Variants in GABRG3 observed in about 807,000 individuals in gnomAD.
GABRG3 encodes gamma-aminobutyric acid receptor subunit gamma-3.
A neutral mutation model predicts 48.8 loss-of-function variants in GABRG3; 25 were observed. That is an observed-to-expected ratio of 0.51 (90% confidence interval 0.37 to 0.72). The LOEUF (loss-of-function observed/expected upper bound fraction) is 0.72, where lower values mean the gene tolerates loss of function less well. GABRG3 is among the 30% of genes least tolerant of loss of function. The pLI, the probability that GABRG3 is intolerant of heterozygous loss-of-function variation, is 0.00. For missense variants in GABRG3, 394 were observed against 577.9 expected (o/e 0.68, Z 3.26); for synonymous variants, 227 against 217.6 (o/e 1.04, Z -0.38).
At chr15:27,182,948 A>G (rs748905240) in intron 3 of GABRG3, among the ~76,000 whole-genome samples, 1 of 152,194 alleles carries the variant, frequency 6.6e-6, no homozygotes, top group Non-Finnish European at 1.5e-5. Context: ...AGATCAAGCC[A>G]AATAGAGCGA....
chr15:27,532,624 C>T lies in GABRG3; in HGVS notation c.1147C>T (p.Pro383Ser), dbSNP rs775203952. The change falls in exon 10 of 10, where the codon CCA becomes TCA. Residue 383 changes from proline to serine, a missense_variant. Pro to Ser is a moderately conservative substitution (Grantham distance 74). Transcript: ENST00000615808. ...GAACTATTCCCTCCTGGACATGAGGCCACCACCAACTGCGATGATCACTTT... is the reference window on the plus strand; with the variant it reads ...GAACTATTCCCTCCTGGACATGAGGTCACCACCAACTGCGATGATCACTTT... ...PSNYSLLDMR[P>S]PPTAMITLNN... 1.9e-6 allele frequency: 3 copies of T among 1,613,768 alleles called. No individual in the cohort carries two copies. The highest frequency in any genetic ancestry group is 2.5e-6 in the Non-Finnish European group (3 of 1,179,860).
At chr15:27,276,058 T>G (rs996744015) in intron 3 of GABRG3, among the ~76,000 whole-genome samples, 2 of 152,156 alleles carry the variant, frequency 1.3e-5, no homozygotes, top group African/African-American at 4.8e-5. Flanking sequence ...AACCCGCAAA[T>G]GAGAACGAGC....
chr15:27,014,861 G>T (rs949483208), intron 2 of GABRG3, among the ~76,000 whole-genome samples: 13 of 152,150 alleles, frequency 8.5e-5, no homozygotes, highest in Non-Finnish European at 1.9e-4. Flanking sequence ...CTGAAAGTGA[G>T]ATATTGAAGT....
chr15:27,423,171 G>A (rs943494239), intron 5 of GABRG3, among the ~76,000 whole-genome samples: 3 of 141,910 alleles, frequency 2.1e-5, no homozygotes, highest in African/African-American at 8.0e-5. Flanking sequence ...CTTGTGCAAA[G>A]GAATCCTGAC....
At chr15:27,478,338 G>A (rs965009673) in intron 5 of GABRG3, among the ~76,000 whole-genome samples, 37 of 152,108 alleles carry the variant, frequency 2.4e-4, no homozygotes, top group African/African-American at 8.0e-4. Flanking sequence ...TAAAAAATCA[G>A]CAAAAGATCT....
At chr15:27,094,798 G>A (rs60357009) in intron 3 of GABRG3, among the ~76,000 whole-genome samples, 35,400 of 152,016 alleles carry the variant, frequency 0.23, 4,999 homozygotes, top group African/African-American at 0.38. Context: ...GATATTTATT[G>A]TTAAAATTTA....
intron 6 of GABRG3, among the ~76,000 whole-genome samples, chr15:27,496,264 A>T (rs1026266905): frequency 1.3e-5 from 2 of 150,156 alleles, no homozygotes; most frequent in Non-Finnish European, 3.0e-5. Context: ...ACAACAGAAC[A>T]GTGGGCAAGC....
intron 2 of GABRG3, among the ~76,000 whole-genome samples, chr15:26,999,242 A>C (rs1895399337): frequency 6.6e-6 from 1 of 152,184 alleles, no homozygotes; most frequent in African/African-American, 2.4e-5. Context: ...ATTAGGTATT[A>C]TAAGTAATCT....
chr15:27,050,925 T>C (rs1243571599), intron 3 of GABRG3, among the ~76,000 whole-genome samples: 1 of 152,204 alleles, frequency 6.6e-6, no homozygotes, highest in Non-Finnish European at 1.5e-5. Flanking sequence ...TTATGTAGTT[T>C]TTAAACTCAT....
intron 3 of GABRG3, among the ~76,000 whole-genome samples, chr15:27,231,444 G>A (rs541871761): frequency 1.3e-5 from 2 of 152,220 alleles, no homozygotes; most frequent in African/African-American, 2.4e-5. Context: ...TGTTGTGAGC[G>A]GGGTAGGGAG....
At chr15:27,003,937 G>A (rs1275689164) in intron 2 of GABRG3, among the ~76,000 whole-genome samples, 3 of 149,272 alleles carry the variant, frequency 2.0e-5, no homozygotes, top group African/African-American at 2.5e-5. Flanking sequence ...GCCGGGCAGA[G>A]GCGCCCCTCA....
At chr15:27,219,991 C>A (rs182722992) in intron 3 of GABRG3, among the ~76,000 whole-genome samples, 3 of 152,110 alleles carry the variant, frequency 2.0e-5, no homozygotes, top group Non-Finnish European at 2.9e-5. Context: ...GAACTTGGGT[C>A]GGCTCACCCA....
chr15:27,390,111 A>G (rs908523729), intron 5 of GABRG3, among the ~76,000 whole-genome samples: 2 of 152,242 alleles, frequency 1.3e-5, no homozygotes, highest in African/African-American at 2.4e-5. Context: ...AAAAATTCAA[A>G]TGCACATTAT....
At chr15:27,120,050 TG>T (rs746818530) in intron 3 of GABRG3, among the ~76,000 whole-genome samples, 3 of 152,240 alleles carry the variant, frequency 2.0e-5, no homozygotes, top group Non-Finnish European at 4.4e-5. Flanking sequence ...GTGGGGATCA[TG>T]GAAGATTCCT....
rs117281882 is a variant in GABRG3 at position 27,086,573 on chromosome 15, C to T, written c.270+59752C>T. 5.9e-5 allele frequency among the ~76,000 whole-genome samples: 9 copies of T among 152,256 alleles called. No individual in the cohort carries two copies. The East Asian group carries it at 1.7e-3, about 29-fold the overall frequency. On this transcript the variant is annotated intron_variant, in intron 3 of 9. Transcript: ENST00000615808. ...TTGTCAAAACTGTAATTAATGTCAA[C>T]ATGGAAAGGAAATTGAACAAAAATG...
chr15:27,169,621 A>G (rs768778992), intron 3 of GABRG3, among the ~76,000 whole-genome samples: 1 of 152,224 alleles, frequency 6.6e-6, no homozygotes, highest in Non-Finnish European at 1.5e-5. Flanking sequence ...ATGACCAGCA[A>G]CAGCATAGCC....
chr15:27,268,194 AC>A (rs1890979167), intron 3 of GABRG3, among the ~76,000 whole-genome samples: 1 of 152,110 alleles, frequency 6.6e-6, no homozygotes, highest in African/African-American at 2.4e-5. Context: ...AAGAATTTTT[AC>A]TGAAATTTCA....
At chr15:26,997,216 T>G (rs1895358930) in intron 2 of GABRG3, among the ~76,000 whole-genome samples, 1 of 152,186 alleles carries the variant, frequency 6.6e-6, no homozygotes, top group Admixed American at 6.5e-5. Flanking sequence ...TTTCATAAGA[T>G]TTTGTTATCA....
At chr15:27,196,923 T>C (rs907965148) in intron 3 of GABRG3, among the ~76,000 whole-genome samples, 3 of 152,210 alleles carry the variant, frequency 2.0e-5, no homozygotes, top group African/African-American at 7.2e-5. Context: ...GTTGCCAGTA[T>C]TTAGTATTAT....
Sources: allele counts gnomAD v4.1 joint callset (sites outside exome capture counted in the v4.1 genomes callset), GRCh38; gene constraint gnomAD v4.1.1; transcripts MANE v1.5; gene names NCBI Gene and HGNC (gene_info 2026-07-23, HGNC 2026-07-21).